The following SH3BP4 variants were observed in gnomAD, a reference collection of about 807,000 sequenced individuals.
SH3BP4 encodes SH3 domain-binding protein 4.
A neutral mutation model predicts 65.5 loss-of-function variants in SH3BP4; 33 were observed. The ratio of observed to expected loss-of-function variants is 0.50; its 90% CI spans 0.38 to 0.67. SH3BP4 has a LOEUF of 0.67. Among genes scored for constraint, SH3BP4 ranks in the 30% least tolerant of loss-of-function variants. SH3BP4 has a pLI of 0.00. For missense variants in SH3BP4, 1,134 were observed against 1,261.4 expected, an observed-to-expected ratio of 0.90 and a Z score of 1.53; for synonymous variants, 552 against 545.5, an observed-to-expected ratio of 1.01 and a Z score of -0.17.
At chr2:234,975,113 A>G (rs1311213537) in intron 1 of SH3BP4, among the ~76,000 whole-genome samples, 1 of 152,106 alleles carries the variant, frequency 6.6e-6, no homozygotes, top group African/African-American at 2.4e-5. Context: ...GGGATTGAGT[A>G]TTTCTGGTGA....
At chr2:234,992,882 C>T (rs1049879771) in intron 1 of SH3BP4, among the ~76,000 whole-genome samples, 6 of 146,004 alleles carry the variant, frequency 4.1e-5, no homozygotes, top group East Asian at 2.1e-4. Flanking sequence ...AGGAGATGGA[C>T]GCGTTCCTGC....
At chr2:234,984,905 C>T (rs1574792146) in intron 1 of SH3BP4, among the ~76,000 whole-genome samples, 1 of 152,272 alleles carries the variant, frequency 6.6e-6, no homozygotes, top group East Asian at 1.9e-4. Flanking sequence ...GGGTCAGCTA[C>T]TGAGCTAGTG....
At chr2:234,982,696 CA>C (rs1680782171) in intron 1 of SH3BP4, among the ~76,000 whole-genome samples, 1 of 152,056 alleles carries the variant, frequency 6.6e-6, no homozygotes, top group Non-Finnish European at 1.5e-5. Context: ...TCCCTAGTCA[CA>C]GGGGCAGTGG....
chr2:234,967,159 G>A lies in SH3BP4; in HGVS notation c.-207+14989G>A, dbSNP rs1157925188. ...TAGGGACTTGTGTGAGCTGGGAAGT[G>A]CAGAAGCCAGGAGTTAAGTCCAGGC... On this transcript the variant is annotated intron_variant, in intron 1 of 5. Coordinates refer to ENST00000392011, the MANE Select transcript of SH3BP4 (RefSeq NM_014521.3). This position sits in a 1 kb window ranked among gnomAD's most constrained non-coding sequence, Gnocchi z 4.6. Among the ~76,000 whole-genome samples the A allele has an allele frequency of 6.6e-6, 1 of 152,070 alleles. No individual in the cohort carries two copies. The highest frequency in any genetic ancestry group is 1.9e-4 in the East Asian group (1 of 5,178).
At chr2:235,021,304 A>G (rs1166066237) in intron 2 of SH3BP4, among the ~76,000 whole-genome samples, 1 of 152,150 alleles carries the variant, frequency 6.6e-6, no homozygotes, top group East Asian at 1.9e-4. Flanking sequence ...ACATTTTATT[A>G]AATTATTCTA....
Position 235,041,595 on chromosome 2 carries a change from C to A in SH3BP4, c.826C>A (p.Gln276Lys). Residue 276 changes from glutamine (Q) to lysine (K), a missense_variant, in exon 4 of 6, where the codon CAA becomes AAA. Transcript: ENST00000392011. This position sits in a 1 kb window ranked among gnomAD's most constrained non-coding sequence, Gnocchi z 6.0. ...FTGLKSPAPE[Q>K]FQSREDFRTA... ...CGGCTTGAAATCACCTGCCCCCGAGCAATTTCAGAGCCGGGAGGATTTTCG... is the reference window on the plus strand; with the variant it reads ...CGGCTTGAAATCACCTGCCCCCGAGAAATTTCAGAGCCGGGAGGATTTTCG... The A allele has an allele frequency of 6.2e-7, 1 of 1,614,068 alleles. No individual in the cohort carries two copies. The highest frequency in any genetic ancestry group is 1.3e-5 in the African/African-American group (1 of 75,064).
At position 235,045,246 on chromosome 2, in the gene SH3BP4, A is replaced by G. The variant is rs1211235832; in HGVS notation, c.2478+1999A>G. On this transcript the variant is annotated intron_variant, in intron 4 of 5. Transcript: ENST00000392011. This position sits in a 1 kb window ranked among gnomAD's most constrained non-coding sequence, Gnocchi z 4.3. ...GCATGCTGTCGTGGAACCTGACAGC[A>G]TTGCTGAGCCCAGGACACTCACCTC... Among the ~76,000 whole-genome samples, 1 of 152,160 alleles carries G rather than the reference A, an allele frequency of 6.6e-6. No homozygotes were observed. The highest frequency in any genetic ancestry group is 1.9e-4 in the East Asian group (1 of 5,178).
rs770784237 is a variant in SH3BP4 at position 235,042,130 on chromosome 2, T to C, written c.1361T>C (p.Val454Ala). The C allele has an allele frequency of 1.9e-6, 3 of 1,614,002 alleles. No individual in the cohort carries two copies. Among genetic ancestry groups the C allele is most frequent in the Non-Finnish European group, 1.7e-6 (2 of 1,180,016 alleles). The change falls in exon 4 of 6, where the codon GTG becomes GCG. Residue 454 changes from valine to alanine, a missense_variant. By Grantham distance (64) the Val-to-Ala change is moderately conservative (BLOSUM62 0). Coordinates refer to ENST00000392011, the MANE Select transcript of SH3BP4 (RefSeq NM_014521.3). The surrounding 1 kb of genome is among the most constrained non-coding windows in gnomAD (Gnocchi z 7.3). Reference sequence around the variant, plus strand: ...GAGCCCTGTATGTACGTGGCTGTCGTGGCCCATGGCCCAAGCATCCTCTAC... The same window carrying C: ...GAGCCCTGTATGTACGTGGCTGTCGCGGCCCATGGCCCAAGCATCCTCTAC... ...NLEPCMYVAV[V>A]AHGPSILYPS...
In SH3BP4 at chr2:235,020,981, C is replaced by A. The variant is rs148532480; in HGVS notation, c.-132-13890C>A. 2.3e-3 allele frequency among the ~76,000 whole-genome samples: 354 copies of A among 152,292 alleles called. 5 individuals carry two copies. Among genetic ancestry groups the A allele is most frequent in the African/African-American group, 8.2e-3 (342 of 41,562 alleles). On this transcript the variant is annotated intron_variant, in intron 2 of 5. Transcript: ENST00000392011. ...GTCTGCCTCCTATTTTTTATAAATA[C>A]ATTTTTGTTGGAACATGATCCTACT...
intron 1 of SH3BP4, chr2:234,994,700 C>G (rs1693857827): frequency 6.6e-6 from 1 of 152,238 alleles, no homozygotes; most frequent in African/African-American, 2.4e-5. Flanking sequence ...CCAGTCATTG[C>G]AGCAGAAGTA....
At chr2:234,960,049 T>C (rs897842056) in intron 1 of SH3BP4, among the ~76,000 whole-genome samples, 2 of 152,228 alleles carry the variant, frequency 1.3e-5, no homozygotes, top group Non-Finnish European at 2.9e-5. Context: ...CTAACAATCA[T>C]AGTTGATGTA....
intron 2 of SH3BP4, among the ~76,000 whole-genome samples, chr2:235,001,388 A>G (rs761585533): frequency 8.5e-5 from 13 of 152,210 alleles, no homozygotes; most frequent in Non-Finnish European, 1.9e-4. Context: ...GGCCTAAGAC[A>G]AGCCTATCGC....
chr2:235,018,512 G>A (rs1033500397), intron 2 of SH3BP4, among the ~76,000 whole-genome samples: 1 of 152,140 alleles, frequency 6.6e-6, no homozygotes, highest in African/African-American at 2.4e-5. Context: ...AGGCTTTATT[G>A]AATAGGTAAA....
chr2:235,001,626 T>A (rs1358442443), intron 2 of SH3BP4, among the ~76,000 whole-genome samples: 2 of 152,192 alleles, frequency 1.3e-5, no homozygotes, highest in African/African-American at 2.4e-5. Flanking sequence ...TTTCATTGAA[T>A]TTGGTCTTAT....
intron 1 of SH3BP4, among the ~76,000 whole-genome samples, chr2:234,982,536 C>G (rs930592404): frequency 6.6e-6 from 1 of 152,148 alleles, no homozygotes; most frequent in Admixed American, 6.5e-5. Flanking sequence ...CAGAAACTCA[C>G]GCACAGGGAG....
At position 235,034,891 on chromosome 2, in the gene SH3BP4, G is replaced by T; in HGVS notation, c.-112G>T. 1.2e-6 allele frequency: 1 copy of T among 835,636 alleles called. No individual in the cohort carries two copies. The highest frequency in any genetic ancestry group is 2.5e-5 in the East Asian group (1 of 39,750). 51.8% of individuals were successfully genotyped at this position (835,636 alleles called of 1,614,324 possible). A position where few individuals can be genotyped will look rare whatever the true frequency, so the allele number is the denominator to read the frequency against. ...TTCAGGAAGAAACATATTGCCGAGTGGATGCCGCCGCGCAGCGTGTTTGCT... is the reference window on the plus strand; with the variant it reads ...TTCAGGAAGAAACATATTGCCGAGTTGATGCCGCCGCGCAGCGTGTTTGCT... On this transcript the variant is annotated 5_prime_UTR_variant, in exon 3 of 6. Coordinates refer to ENST00000392011, the MANE Select transcript of SH3BP4 (RefSeq NM_014521.3). The surrounding 1 kb of genome is among the most constrained non-coding windows in gnomAD (Gnocchi z 6.2).
chr2:235,001,577 A>G (rs981950966), intron 2 of SH3BP4, among the ~76,000 whole-genome samples: 3 of 152,226 alleles, frequency 2.0e-5, no homozygotes, highest in Admixed American at 2.0e-4. Flanking sequence ...TTGCTTACAG[A>G]ACAGGGAAGA....
Position 234,997,270 on chromosome 2 carries a change from C to G in SH3BP4, c.-133+1894C>G, listed in dbSNP as rs1693953847. Among the ~76,000 whole-genome samples, 1 of 152,222 alleles carries G rather than the reference C, an allele frequency of 6.6e-6. No homozygotes were observed. Among genetic ancestry groups the G allele is most frequent in the African/African-American group, 2.4e-5 (1 of 41,446 alleles). On this transcript the variant is annotated intron_variant, in intron 2 of 5. Coordinates refer to ENST00000392011, the MANE Select transcript of SH3BP4 (RefSeq NM_014521.3). This position sits in a 1 kb window ranked among gnomAD's most constrained non-coding sequence, Gnocchi z 4.2. ...TACATGTAGTGTTTTCTTGGTGCCT[C>G]TGAATAGTCACAGTCTGATTTGCCT...
chr2:235,051,062 G>A (rs1228406333), intron 4 of SH3BP4, among the ~76,000 whole-genome samples: 2 of 152,184 alleles, frequency 1.3e-5, no homozygotes, highest in Non-Finnish European at 2.9e-5. Context: ...TTGGATGAGA[G>A]AAAGCTTTAA....
Sources: allele counts gnomAD v4.1 joint callset (sites outside exome capture counted in the v4.1 genomes callset), GRCh38; gene constraint gnomAD v4.1.1; non-coding constraint Gnocchi (gnomAD v3.1); transcripts MANE v1.5; gene names NCBI Gene and HGNC (gene_info 2026-07-23, HGNC 2026-07-21).